Variants in KCNJ9 observed in about 807,000 individuals in gnomAD.
KCNJ9 encodes the protein G protein-activated inward rectifier potassium channel 3.
KCNJ9 carries 18 observed loss-of-function variants against 27.9 expected under a neutral mutation model. That is an observed-to-expected ratio of 0.65 (90% CI 0.45 to 0.96). The LOEUF is 0.96. KCNJ9 is among the 40% of genes least tolerant of loss of function. The probability of loss-of-function intolerance (pLI) is 0.00; values close to 1 mark genes in which losing one functional copy is unlikely to be tolerated. For missense variants in KCNJ9, 324 were observed against 557.5 expected (o/e 0.58, Z 4.22); for synonymous variants, 229 against 248.2 (o/e 0.92, Z 0.73).
In KCNJ9 at chr1:160,087,734, G is replaced by A. The variant is rs866152406; in HGVS notation, c.1099G>A (p.Gly367Arg). The A allele has an allele frequency of 2.4e-6, 2 of 834,974 alleles. No individual in the cohort carries two copies. The highest frequency in any genetic ancestry group is 3.4e-6 in the Non-Finnish European group (2 of 589,340). The allele number at this position is 834,974 out of a possible 1,614,324, so 51.7% of individuals were successfully genotyped here. A position where few individuals can be genotyped will look rare whatever the true frequency, so the allele number is the denominator to read the frequency against. The change falls in exon 3 of 3, where the codon GGG becomes AGG. Residue 367 changes from glycine to arginine, a missense_variant. Coordinates refer to ENST00000368088, the MANE Select transcript of KCNJ9 (RefSeq NM_004983.3). ...LDEKVEEEGA[G>R]EGAGGEAGAD... ...TGAGAAGGTGGAGGAGGAGGGGGCGGGGGAGGGGGCGGGTGGGGAAGCTGG... is the reference window on the plus strand; with the variant it reads ...TGAGAAGGTGGAGGAGGAGGGGGCGAGGGAGGGGGCGGGTGGGGAAGCTGG...
intron 1 of KCNJ9, among the ~76,000 whole-genome samples, chr1:160,083,342 A>G (rs1031521821): frequency 2.0e-5 from 3 of 152,172 alleles, no homozygotes; most frequent in African/African-American, 7.2e-5. Flanking sequence ...CTCGTTTGTA[A>G]GCATGTTGAG....
Position 160,089,380 on chromosome 1 carries a change from A to AG in KCNJ9, c.*1568dup, listed in dbSNP as rs1163809339. 6.6e-6 allele frequency: 1 copy of AG among 151,670 alleles called. No individual in the cohort carries two copies. The highest frequency in any genetic ancestry group is 2.4e-5 in the African/African-American group (1 of 41,170). 9.4% of individuals were successfully genotyped at this position (151,670 alleles called of 1,614,324 possible). A position where few individuals can be genotyped will look rare whatever the true frequency, so the allele number is the denominator to read the frequency against. On this transcript the variant is annotated 3_prime_UTR_variant, in exon 3 of 3. Coordinates refer to ENST00000368088, the MANE Select transcript of KCNJ9 (RefSeq NM_004983.3). ...ATGGAAACAGGGCAGTGACAAGTGG[A>AG]GGGGGTGTCTGGAAGCTGAGCAGGC...
rs757740332 is a variant in KCNJ9, at chr1:160,087,474, C to T, written c.851-12C>T. 1 of 1,582,312 alleles carries T rather than the reference C, an allele frequency of 6.3e-7. No individual in the cohort carries two copies. The highest frequency in any genetic ancestry group is 1.2e-5 in the South Asian group (1 of 85,676). On this transcript the variant is annotated splice_polypyrimidine_tract_variant and intron_variant, in intron 2 of 2. Coordinates refer to ENST00000368088, the MANE Select transcript of KCNJ9 (RefSeq NM_004983.3). ...AGCTGAGATTCCCCCTGACCGGTGC[C>T]CCTCCTCCCAGGAATGACATGCCAA... is the stretch of plus-strand genomic sequence containing the variant.
intron 2 of KCNJ9, among the ~76,000 whole-genome samples, 176 bp from the exon 3 acceptor site, chr1:160,087,310 G>A (rs1024240856): frequency 1.3e-5 from 2 of 152,094 alleles, no homozygotes; most frequent in Non-Finnish European, 2.9e-5. Flanking sequence ...GAGAAGACAC[G>A]AGGGAGCTGG....
chr1:160,086,860 T>G (rs956608234), intron 2 of KCNJ9, among the ~76,000 whole-genome samples: 4 of 152,118 alleles, frequency 2.6e-5, no homozygotes, highest in Non-Finnish European at 5.9e-5. Flanking sequence ...ATCAAAAAAG[T>G]AGAGTTCTGG....
intron 2 of KCNJ9, among the ~76,000 whole-genome samples, chr1:160,085,191 G>A (rs1181193993): frequency 6.6e-6 from 1 of 152,240 alleles, no homozygotes; most frequent in East Asian, 1.9e-4. Flanking sequence ...CCTGTGTCAT[G>A]CGCAGTTCCA....
Position 160,087,810 on chromosome 1 carries a change from A to G in KCNJ9, c.1175A>G (p.Lys392Arg). The G allele has an allele frequency of 2.7e-6, 4 of 1,491,952 alleles. No individual in the cohort carries two copies. The highest frequency in any genetic ancestry group is 3.6e-6 in the Non-Finnish European group (4 of 1,122,624). 92.4% of individuals were successfully genotyped at this position (1,491,952 alleles called of 1,614,324 possible). A position where few individuals can be genotyped will look rare whatever the true frequency, so the allele number is the denominator to read the frequency against. Residue 392 changes from lysine (K) to arginine (R), a missense_variant, in exon 3 of 3, where the codon AAG (lysine) becomes AGG (arginine). Around this residue, in one of 3 missense-constraint regions of KCNJ9, gnomAD observed 51 missense variants for 44.1 expected, o/e 1.16. Transcript: ENST00000368088. ...CTGCCACCCCCAGAGAGTGAGTCCA[A>G]GGTGTGACCAGCTTCCTCCAGACCC... ...GCLPPPESESKV is the reference protein window; with the variant it reads ...GCLPPPESESRV
rs1011813445 is a variant in KCNJ9, at chr1:160,090,558, A to G, written c.*2741A>G. Reference sequence around the variant, plus strand: ...ATGCTCAATAAATGTTTAAATAACAACTGAAGGAGGCCTGCCAGATGCCTC... The same window carrying G: ...ATGCTCAATAAATGTTTAAATAACAGCTGAAGGAGGCCTGCCAGATGCCTC... On this transcript the variant is annotated 3_prime_UTR_variant, in exon 3 of 3. Transcript: ENST00000368088. 1 of 152,254 alleles carries G rather than the reference A, an allele frequency of 6.6e-6. No individual in the cohort carries two copies. The highest frequency in any genetic ancestry group is 1.5e-5 in the Non-Finnish European group (1 of 68,058). 9.4% of individuals were successfully genotyped at this position (152,254 alleles called of 1,614,324 possible).
At chr1:160,083,368 G>C (rs559644431) in intron 1 of KCNJ9, among the ~76,000 whole-genome samples, 1 of 152,180 alleles carries the variant, frequency 6.6e-6, no homozygotes, top group Admixed American at 6.5e-5. Context: ...GGAATGGAGC[G>C]GAGTGAGTGA....
At position 160,084,048 on chromosome 1, in the gene KCNJ9, G is replaced by T. The variant is rs1334961572; in HGVS notation, c.18G>T (p.Ala6=). Residue 6 remains alanine, a synonymous_variant, in exon 2 of 3, where the codon GCG becomes GCT. Coordinates refer to ENST00000368088, the MANE Select transcript of KCNJ9 (RefSeq NM_004983.3). MAQEN[A]AFSPGQEEPP... is the part of the protein sequence containing the mutation. ...CGGCCGCCATGGCGCAGGAGAACGCGGCCTTCTCGCCCGGGCAGGAGGAGC... is the reference window on the plus strand; with the variant it reads ...CGGCCGCCATGGCGCAGGAGAACGCTGCCTTCTCGCCCGGGCAGGAGGAGC... 2.0e-6 allele frequency: 3 copies of T among 1,516,178 alleles called. No individual in the cohort carries two copies. The highest frequency in any genetic ancestry group is 2.4e-5 in the South Asian group (2 of 82,264). The allele number at this position is 1,516,178 out of a possible 1,614,324, so 93.9% of individuals were successfully genotyped here. A position where few individuals can be genotyped will look rare whatever the true frequency, so the allele number is the denominator to read the frequency against.
In KCNJ9 at chr1:160,087,775, G is replaced by A; in HGVS notation, c.1140G>A (p.Gln380=). ...GGGAAGCTGGGGCTGACAAGGAGCA[G>A]AATGGCTGCCTGCCACCCCCAGAGA... ...AGGEAGADKE[Q]NGCLPPPESE... The change falls in exon 3 of 3, where the codon CAG becomes CAA. Residue 380 remains glutamine (Q), a synonymous_variant. Coordinates refer to ENST00000368088, the MANE Select transcript of KCNJ9 (RefSeq NM_004983.3). 6.7e-7 allele frequency: 1 copy of A among 1,499,718 alleles called. No individual in the cohort carries two copies. The highest frequency in any genetic ancestry group is 8.9e-7 in the Non-Finnish European group (1 of 1,122,430). 92.9% of individuals were successfully genotyped at this position (1,499,718 alleles called of 1,614,324 possible).
rs1371668303 is a variant in KCNJ9, at chr1:160,084,235, G to A, written c.205G>A (p.Ala69Thr). The change falls in exon 2 of 3, where the codon GCG becomes ACG. Residue 69 changes from alanine to threonine, a missense_variant. Coordinates refer to ENST00000368088, the MANE Select transcript of KCNJ9 (RefSeq NM_004983.3). ...LSLLFFVLAY[A>T]LTWLFFGAIW... ...CCTGTTGTTCTTCGTCCTGGCCTAC[G>A]CGCTCACCTGGCTCTTCTTCGGCGC... is the stretch of plus-strand genomic sequence containing the variant. 6.2e-7 allele frequency: 1 copy of A among 1,613,350 alleles called. No homozygotes were observed. The highest frequency in any genetic ancestry group is 1.1e-5 in the South Asian group (1 of 91,012).
chr1:160,082,854 C>T (rs1230541248), intron 1 of KCNJ9, among the ~76,000 whole-genome samples: 1 of 152,078 alleles, frequency 6.6e-6, no homozygotes, highest in Non-Finnish European at 1.5e-5. Flanking sequence ...CAGATTGCAG[C>T]TCAGAGAGCT....
Position 160,084,975 on chromosome 1 carries a change from G to A in KCNJ9, c.850+95G>A, listed in dbSNP as rs112118804. On this transcript the variant is annotated intron_variant, in intron 2 of 2. Transcript: ENST00000368088. ...GACTAGGGGCCAGGGGAGCTGGGGAGGATGGATGGAGGGGCTGGTGGAGGA... is the reference window on the plus strand; with the variant it reads ...GACTAGGGGCCAGGGGAGCTGGGGAAGATGGATGGAGGGGCTGGTGGAGGA... 13 of 1,344,030 alleles carry A rather than the reference G, an allele frequency of 9.7e-6. No individual in the cohort carries two copies. The Admixed American group carries it at 2.5e-4, about 26-fold the overall frequency. 83.3% of individuals were successfully genotyped at this position (1,344,030 alleles called of 1,614,324 possible).
In KCNJ9 at chr1:160,084,067, G is replaced by C; in HGVS notation, c.37G>C (p.Glu13Gln). The C allele has an allele frequency of 6.5e-7, 1 of 1,533,524 alleles. No homozygotes were observed. The highest frequency in any genetic ancestry group is 8.7e-7 in the Non-Finnish European group (1 of 1,144,086). 95.0% of individuals were successfully genotyped at this position (1,533,524 alleles called of 1,614,324 possible). Reference protein sequence around the residue: ...QENAAFSPGQEEPPRRRGRQR... With the variant: ...QENAAFSPGQQEPPRRRGRQR... ...GAACGCGGCCTTCTCGCCCGGGCAG[G>C]AGGAGCCGCCGCGGCGCCGCGGCCG... Residue 13 changes from glutamate (E) to glutamine (Q), a missense_variant, in exon 2 of 3, where the codon GAG (glutamate) becomes CAG (glutamine). Physicochemically the swap from Glu to Gln is conservative, Grantham distance 29. This residue lies in a region of KCNJ9 where 32 missense variants were observed against 31.7 expected (regional missense o/e 1.01). Coordinates refer to ENST00000368088, the MANE Select transcript of KCNJ9 (RefSeq NM_004983.3).
At position 160,084,027 on chromosome 1, in the gene KCNJ9, C is replaced by T. The variant is rs1420814171; in HGVS notation, c.-4C>T. 1 of 1,398,724 alleles carries T rather than the reference C, an allele frequency of 7.1e-7. No homozygotes were observed. Among genetic ancestry groups the T allele is most frequent in the Non-Finnish European group, 9.2e-7 (1 of 1,081,988 alleles). The allele number at this position is 1,398,724 out of a possible 1,614,324, so 86.6% of individuals were successfully genotyped here. A position where few individuals can be genotyped will look rare whatever the true frequency, so the allele number is the denominator to read the frequency against. ...CCCGCAGCGCTCGCCCTGACGCGGCCGCCATGGCGCAGGAGAACGCGGCCT... is the reference window on the plus strand; with the variant it reads ...CCCGCAGCGCTCGCCCTGACGCGGCTGCCATGGCGCAGGAGAACGCGGCCT... On this transcript the variant is annotated 5_prime_UTR_variant, in exon 2 of 3. Transcript: ENST00000368088.
chr1:160,082,724 C>T (rs1229484919), intron 1 of KCNJ9, among the ~76,000 whole-genome samples: 1 of 152,194 alleles, frequency 6.6e-6, no homozygotes, highest in African/African-American at 2.4e-5. Context: ...GGATCATTCC[C>T]AGGAAAGAGA....
At chr1:160,082,737 G>A (rs1178452385) in intron 1 of KCNJ9, among the ~76,000 whole-genome samples, 3 of 152,226 alleles carry the variant, frequency 2.0e-5, no homozygotes, top group African/African-American at 7.2e-5. Context: ...GAAAGAGAAG[G>A]GAAGGTGGAA....
chr1:160,083,896 AT>A lies in KCNJ9; in HGVS notation c.-114-19del. 1 of 824,156 alleles carries A rather than the reference AT, an allele frequency of 1.2e-6. No individual in the cohort carries two copies. Among genetic ancestry groups the A allele is most frequent in the Non-Finnish European group, 1.6e-6 (1 of 634,566 alleles). The allele number at this position is 824,156 out of a possible 1,614,324, so 51.1% of individuals were successfully genotyped here. A position where few individuals can be genotyped will look rare whatever the true frequency, so the allele number is the denominator to read the frequency against. On this transcript the variant is annotated intron_variant, in intron 1 of 2. Coordinates refer to ENST00000368088, the MANE Select transcript of KCNJ9 (RefSeq NM_004983.3). ...CTCCCCATCTCCCGAGGGGCCACTC[AT>A]TCGGCAAACCTTTATTAAGCCCCTC...
Sources: allele counts gnomAD v4.1 joint callset (sites outside exome capture counted in the v4.1 genomes callset), GRCh38; gene constraint gnomAD v4.1.1; regional missense constraint gnomAD v4.1.1; transcripts MANE v1.5; gene names NCBI Gene and HGNC (gene_info 2026-07-23, HGNC 2026-07-21).